PRCP: variants seen among roughly 807,000 people sequenced by gnomAD.
PRCP encodes prolylcarboxypeptidase.
PRCP carries 46 observed loss-of-function variants against 54.2 expected under a neutral mutation model. That is an observed-to-expected ratio of 0.85 (90% CI 0.67 to 1.09). The LOEUF (loss-of-function observed/expected upper bound fraction) is 1.09. Ranked by LOEUF, PRCP falls within the 50% of genes least tolerant of loss-of-function variation. PRCP has a pLI of 0.00. For missense variants in PRCP, 613 were observed against 596.8 expected (o/e 1.03, Z -0.28); for synonymous variants, 240 against 212.2 (o/e 1.13, Z -1.14).
At chr11:82,886,582 T>C (rs1859869146) in intron 1 of PRCP, among the ~76,000 whole-genome samples, 1 of 152,184 alleles carries the variant, frequency 6.6e-6, no homozygotes, top group Non-Finnish European at 1.5e-5. Flanking sequence ...ACATGTTTGG[T>C]TGAACTACAT....
chr11:82,882,854 A>AACACACACACACACACAC (rs3222274), intron 1 of PRCP, among the ~76,000 whole-genome samples: 1 of 72,002 alleles, frequency 1.4e-5, no homozygotes, highest in African/African-American at 8.3e-5. Flanking sequence ...CTACCTGTGC[A>AACACACACACACACACAC]ACACACACAC....
intron 8 of PRCP, chr11:82,827,518 A>G (rs1020431545): frequency 3.3e-5 from 5 of 152,158 alleles, no homozygotes; most frequent in Admixed American, 6.5e-5. Context: ...TGAAAAAACT[A>G]TTCTTTTCTC....
intron 1 of PRCP, among the ~76,000 whole-genome samples, chr11:82,871,422 A>G (rs1367817323): frequency 1.3e-5 from 2 of 151,622 alleles, no homozygotes; most frequent in Non-Finnish European, 2.9e-5. Context: ...CAAGTGATCC[A>G]CCCGCCTTGC....
intron 1 of PRCP, among the ~76,000 whole-genome samples, chr11:82,872,996 T>C (rs752318050): frequency 1.3e-5 from 2 of 151,502 alleles, no homozygotes; most frequent in African/African-American, 2.4e-5. Context: ...AAGTGGGCTA[T>C]GATAGGGAGA....
In PRCP at chr11:82,898,090, T is replaced by C. The variant is rs1468089281; in HGVS notation, c.168+2145A>G. Among the ~76,000 whole-genome samples, 6 of 152,338 alleles carry C rather than the reference T, an allele frequency of 3.9e-5. No homozygotes were observed. The East Asian group carries it at 1.2e-3, about 29-fold the overall frequency. Reference sequence around the variant, plus strand: ...AATCAATGGTTCAGAAATTGGCAACTAGTATAATTATAATTATGCAATAAA... The same window carrying C: ...AATCAATGGTTCAGAAATTGGCAACCAGTATAATTATAATTATGCAATAAA... On this transcript the variant is annotated intron_variant, in intron 1 of 8. Coordinates refer to ENST00000313010, the MANE Select transcript of PRCP (RefSeq NM_005040.4).
chr11:82,831,043 C>CAAAA (rs11356609), intron 8 of PRCP: 4 of 67,220 alleles, frequency 6.0e-5, no homozygotes, highest in Non-Finnish European at 8.8e-5. Context: ...GGAAAATCTA[C>CAAAA]AAAAAAAAAA....
At chr11:82,864,626 C>G (rs1406500207) in intron 1 of PRCP, among the ~76,000 whole-genome samples, 8 of 152,186 alleles carry the variant, frequency 5.3e-5, no homozygotes, top group Admixed American at 5.2e-4. Context: ...TAAATAATAG[C>G]ATGGTAAAGA....
intron 1 of PRCP, 145 bp from the exon 2 acceptor site, chr11:82,860,262 T>C (rs1341361629): frequency 4.5e-6 from 2 of 446,064 alleles, no homozygotes; most frequent in Non-Finnish European, 7.4e-6. Context: ...TTATTATTAA[T>C]AGTAATATCG....
At chr11:82,834,389 G>A (rs1004657810) in intron 8 of PRCP, among the ~76,000 whole-genome samples, 14 of 152,162 alleles carry the variant, frequency 9.2e-5, no homozygotes, top group Admixed American at 4.6e-4. Context: ...CTAAGCAGAC[G>A]TATTTGCTTA....
intron 8 of PRCP, chr11:82,836,825 G>A: frequency 2.9e-6 from 1 of 343,330 alleles, no homozygotes; most frequent in Admixed American, 3.3e-5. Flanking sequence ...TGGGATTACA[G>A]GAGTGAGCCA....
chr11:82,900,789 A>C (rs1349788338), upstream of PRCP: 2 of 468,844 alleles, frequency 4.3e-6, no homozygotes, highest in Admixed American at 4.7e-5. Context: ...TACCATTATC[A>C]TCACCACCAA....
At chr11:82,843,007 T>C (rs1858712464) in intron 6 of PRCP, among the ~76,000 whole-genome samples, 1 of 152,216 alleles carries the variant, frequency 6.6e-6, no homozygotes, top group Admixed American at 6.5e-5. Flanking sequence ...CTATGCTTAT[T>C]TAAAGACTAG....
At chr11:82,869,081 T>C (rs970294422) in intron 1 of PRCP, among the ~76,000 whole-genome samples, 4 of 150,900 alleles carry the variant, frequency 2.7e-5, no homozygotes, top group Admixed American at 6.6e-5. Flanking sequence ...CTAGGCCAGG[T>C]GCACTGGCTC....
Position 82,900,231 on chromosome 11 carries a change from T to G in PRCP, c.168+4A>C, listed in dbSNP as rs1473453147. On this transcript the variant is annotated splice_donor_region_variant and intron_variant, in intron 1 of 8. Coordinates refer to ENST00000313010, the MANE Select transcript of PRCP (RefSeq NM_005040.4). ...GGGACGGCGAAGCCCCCGCTCCCCC[T>G]TACCTTCTGTTGGAAGTAGAGAACC... 1 of 1,614,032 alleles carries G rather than the reference T, an allele frequency of 6.2e-7. No individual in the cohort carries two copies. Among genetic ancestry groups the G allele is most frequent in the South Asian group, 1.1e-5 (1 of 91,078 alleles).
intron 1 of PRCP, among the ~76,000 whole-genome samples, chr11:82,898,660 A>G (rs1860175053): frequency 1.3e-5 from 2 of 152,202 alleles, no homozygotes; most frequent in African/African-American, 4.8e-5. Context: ...AGAGCCCTTA[A>G]TTTTCCTCAG....
Position 82,824,859 on chromosome 11 carries a change from T to A in PRCP, c.*47A>T. On this transcript the variant is annotated 3_prime_UTR_variant, in exon 9 of 9. Coordinates refer to ENST00000313010, the MANE Select transcript of PRCP (RefSeq NM_005040.4). ...TAGAAAATCAAAGTGAATGGGAATG[T>A]GGTGGTGTGAACATAAAAGAAGAAA... 1 of 1,527,324 alleles carries A rather than the reference T, an allele frequency of 6.5e-7. No homozygotes were observed. The highest frequency in any genetic ancestry group is 9.0e-7 in the Non-Finnish European group (1 of 1,113,402). 94.6% of individuals were successfully genotyped at this position (1,527,324 alleles called of 1,614,324 possible).
intron 8 of PRCP, 21 bp from the exon 9 acceptor site, chr11:82,825,143 A>G: frequency 8.8e-6 from 14 of 1,593,148 alleles, no homozygotes; most frequent in Non-Finnish European, 1.2e-5. Flanking sequence ...AAAAAAGAAG[A>G]AAAAATAAAG....
chr11:82,882,297 G>C (rs1316901309), intron 1 of PRCP, among the ~76,000 whole-genome samples: 2 of 152,152 alleles, frequency 1.3e-5, no homozygotes, highest in Non-Finnish European at 2.9e-5. Context: ...AGTATTCATA[G>C]TAATGTGAAA....
At chr11:82,893,788 G>A (rs945454241) in intron 1 of PRCP, among the ~76,000 whole-genome samples, 1 of 152,110 alleles carries the variant, frequency 6.6e-6, no homozygotes, top group Non-Finnish European at 1.5e-5. Context: ...GCAAGATCCT[G>A]TCTAAAAATA....
Sources: gnomAD v4.1 joint callset for allele counts (sites outside exome capture counted in the v4.1 genomes callset) on GRCh38, gnomAD v4.1.1 for gene constraint, MANE v1.5 for transcripts, NCBI Gene and HGNC (gene_info 2026-07-23, HGNC 2026-07-21) for gene names.